The following SDK1 variants were observed in gnomAD, a reference collection of about 807,000 sequenced individuals.
The protein encoded by SDK1 is protein sidekick-1.
SDK1 carries 157 observed loss-of-function variants against 245.5 expected under a neutral mutation model. That is an observed-to-expected ratio of 0.64 (90% CI 0.56 to 0.73). SDK1 has a LOEUF of 0.73. Ranked by LOEUF, SDK1 falls within the 30% of genes least tolerant of loss-of-function variation. The pLI, the probability that SDK1 is intolerant of heterozygous loss-of-function variation, is 0.00. For missense variants in SDK1, 3,583 were observed against 3,002.3 expected (o/e 1.19, Z -4.52); for synonymous variants, 1,647 against 1,278.5 (o/e 1.29, Z -6.15).
chr7:3,932,139 AT>A (rs925022808), intron 5 of SDK1, among the ~76,000 whole-genome samples: 1 of 152,160 alleles, frequency 6.6e-6, no homozygotes, highest in African/African-American at 2.4e-5. Flanking sequence ...TTAGGACTTC[AT>A]TTTTTATTCA....
At chr7:4,218,570 T>C (rs1483121956) in intron 38 of SDK1, among the ~76,000 whole-genome samples, 8 of 152,182 alleles carry the variant, frequency 5.3e-5, no homozygotes, top group Non-Finnish European at 1.2e-4. Flanking sequence ...CGTTTTGTAG[T>C]AGGAAGGCGC....
intron 34 of SDK1, among the ~76,000 whole-genome samples, chr7:4,177,869 G>A (rs559325179): frequency 1.3e-5 from 2 of 152,236 alleles, no homozygotes; most frequent in Non-Finnish European, 2.9e-5. Context: ...TCCCATCTTG[G>A]GGGGAGGGGA....
In SDK1 at chr7:3,571,124, CTTAAT is replaced by C. The variant is rs143497348; in HGVS notation, c.299-47948_299-47944del. Among the ~76,000 whole-genome samples, 405 of 151,958 alleles carry C rather than the reference CTTAAT, an allele frequency of 2.7e-3. 2 individuals are homozygous for C. Among genetic ancestry groups the C allele is most frequent in the African/African-American group, 9.2e-3 (383 of 41,518 alleles). On this transcript the variant is annotated intron_variant, in intron 1 of 44. Transcript: ENST00000404826. ...AGTTATGTTAACCAAGTCTGCGTTA[CTTAAT>C]TTAATTTGGAGTCGACTTACTGAAG... is the stretch of plus-strand genomic sequence containing the variant.
intron 5 of SDK1, among the ~76,000 whole-genome samples, chr7:3,911,135 A>T (rs9986911): frequency 0.21 from 31,856 of 152,172 alleles, 3,539 homozygotes; most frequent in Middle Eastern, 0.35. Flanking sequence ...AAAAGTTGAA[A>T]GGACACATAA....
Position 3,387,018 on chromosome 7 carries a change from T to A in SDK1, c.298+85134T>A, listed in dbSNP as rs115905396. Among the ~76,000 whole-genome samples, 805 of 152,272 alleles carry A rather than the reference T, an allele frequency of 5.3e-3. 10 individuals are homozygous for A. The highest frequency in any genetic ancestry group is 0.018 in the African/African-American group (768 of 41,558). ...TTCATCTTCAGTTAGTTGAGATGGTTGCTTGCATGTAAGTGGCTTTTCACA... is the reference window on the plus strand; with the variant it reads ...TTCATCTTCAGTTAGTTGAGATGGTAGCTTGCATGTAAGTGGCTTTTCACA... On this transcript the variant is annotated intron_variant, in intron 1 of 44. Transcript: ENST00000404826.
intron 5 of SDK1, among the ~76,000 whole-genome samples, chr7:3,927,056 G>A (rs1419617725): frequency 6.6e-6 from 1 of 152,168 alleles, no homozygotes; most frequent in South Asian, 2.1e-4. Context: ...TCCACCAGTG[G>A]GGTTCCGTTA....
chr7:3,775,636 G>A (rs1583401482), intron 4 of SDK1, among the ~76,000 whole-genome samples: 1 of 151,298 alleles, frequency 6.6e-6, no homozygotes, highest in Admixed American at 6.6e-5. Flanking sequence ...GACTGCAGTG[G>A]CGTAATCTCG....
chr7:3,418,656 T>A (rs10250421), intron 1 of SDK1, among the ~76,000 whole-genome samples: 62,107 of 152,092 alleles, frequency 0.41, 14,221 homozygotes, highest in Admixed American at 0.51. Flanking sequence ...GTGAAGGTAT[T>A]TATTGTTAAG....
chr7:3,861,538 G>A (rs1470323686), intron 5 of SDK1, among the ~76,000 whole-genome samples: 1 of 152,118 alleles, frequency 6.6e-6, no homozygotes, highest in African/African-American at 2.4e-5. Flanking sequence ...TGAGTAATTT[G>A]AACACAAATG....
intron 4 of SDK1, among the ~76,000 whole-genome samples, chr7:3,790,959 T>G (rs769322037): frequency 5.3e-5 from 8 of 152,106 alleles, no homozygotes; most frequent in Non-Finnish European, 1.2e-4. Flanking sequence ...CCTGCTTGGT[T>G]TGAATCACAG....
chr7:3,645,917 G>A (rs1453272430), intron 4 of SDK1, among the ~76,000 whole-genome samples: 4 of 151,884 alleles, frequency 2.6e-5, no homozygotes, highest in Non-Finnish European at 1.5e-5. Context: ...GGAGTGCAGT[G>A]GCCCAATCTA....
In SDK1 at chr7:3,867,277, T is replaced by G. The variant is rs112263876; in HGVS notation, c.847+45694T>G. On this transcript the variant is annotated intron_variant, in intron 5 of 44. Coordinates refer to ENST00000404826, the MANE Select transcript of SDK1 (RefSeq NM_152744.4). The stretch of plus-strand genomic sequence containing the variant: ...AACACAGGAGAGAGAAAGAGTGGAC[T>G]CTTCATTGAAAGCATGTTTTTCTCA... 6.6e-5 allele frequency among the ~76,000 whole-genome samples: 10 copies of G among 152,266 alleles called. 1 individual carries two copies. The highest frequency in any genetic ancestry group is 4.1e-4 in the South Asian group (2 of 4,822).
chr7:4,158,586 C>G, intron 31 of SDK1, 35 bp downstream of exon 31: 1 of 1,507,326 alleles, frequency 6.6e-7, no homozygotes, highest in Non-Finnish European at 9.2e-7. Context: ...CGTTCCTGGC[C>G]GCTGCCCCTG....
At chr7:3,332,199 T>G (rs1337683219) in intron 1 of SDK1, among the ~76,000 whole-genome samples, 1 of 152,200 alleles carries the variant, frequency 6.6e-6, no homozygotes, top group Non-Finnish European at 1.5e-5. Context: ...ATGGAAAACT[T>G]TAAAAAATTT....
intron 5 of SDK1, among the ~76,000 whole-genome samples, chr7:3,837,041 T>C (rs1012359845): frequency 2.0e-5 from 3 of 152,188 alleles, no homozygotes; most frequent in Non-Finnish European, 4.4e-5. Flanking sequence ...CCTGTCCTCT[T>C]GTGTTAGAGA....
Position 3,951,038 on chromosome 7 carries a change from C to A in SDK1, c.959+4C>A. ...TGGAATGTATAGCCAGTGCCAGGTA[C>A]GAGGCGCGTCTCCTGTGAGACTCCT... is the stretch of plus-strand genomic sequence containing the variant. On this transcript the variant is annotated splice_donor_region_variant and intron_variant, in intron 6 of 44. Transcript: ENST00000404826. 6.3e-7 allele frequency: 1 copy of A among 1,591,108 alleles called. No individual in the cohort carries two copies. Among genetic ancestry groups the A allele is most frequent in the Non-Finnish European group, 8.6e-7 (1 of 1,159,128 alleles).
intron 4 of SDK1, among the ~76,000 whole-genome samples, chr7:3,708,953 A>G (rs1237500963): frequency 1.3e-5 from 2 of 152,228 alleles, no homozygotes; most frequent in Non-Finnish European, 2.9e-5. Context: ...TTAATACTGC[A>G]TTCATGATAC....
rs553614228 is a variant in SDK1, at chr7:3,508,911, G to T, written c.299-110169G>T. On this transcript the variant is annotated intron_variant, in intron 1 of 44. Transcript: ENST00000404826. ...TTATAGGAAGTGAGTATTTTATTCA[G>T]TGCAGGATTTAGTTTGTTTTTCTGC... Among the ~76,000 whole-genome samples, 32 of 152,324 alleles carry T rather than the reference G, an allele frequency of 2.1e-4. 1 individual carries two copies. The South Asian group carries it at 6.2e-3, about 30-fold the overall frequency.
At chr7:3,504,040 C>G (rs908201425) in intron 1 of SDK1, among the ~76,000 whole-genome samples, 3 of 151,798 alleles carry the variant, frequency 2.0e-5, no homozygotes, top group Non-Finnish European at 4.4e-5. Context: ...GTCTCAGCTA[C>G]TCGGGAGGCT....
Sources: allele counts gnomAD v4.1 joint callset (sites outside exome capture counted in the v4.1 genomes callset), GRCh38; gene constraint gnomAD v4.1.1; transcripts MANE v1.5; gene names NCBI Gene and HGNC (gene_info 2026-07-23, HGNC 2026-07-21).